CHMP3: variants seen among roughly 807,000 people sequenced by gnomAD.
The protein encoded by CHMP3 is charged multivesicular body protein 3, also known as 25.1 protein.
Under a neutral mutation model 27.4 loss-of-function variants are expected in CHMP3, and 8 were observed. That is an observed-to-expected ratio of 0.29 (90% CI 0.17 to 0.53). The LOEUF is 0.53. Among genes scored for constraint, CHMP3 ranks in the 20% least tolerant of loss-of-function variants. CHMP3 has a pLI of 0.96. For synonymous variants in CHMP3, 86 were observed against 85.5 expected, an observed-to-expected ratio of 1.01 and a Z score of -0.03; for missense variants, 208 against 271.5, an observed-to-expected ratio of 0.77 and a Z score of 1.64.
At chr2:86,513,662 A>G (rs915387021) in intron 3 of CHMP3, among the ~76,000 whole-genome samples, 3 of 152,216 alleles carry the variant, frequency 2.0e-5, no homozygotes, top group Non-Finnish European at 4.4e-5. Context: ...AAACTGCTCA[A>G]AAAATAAGTT....
chr2:86,546,365 A>AG (rs1676601444), intron 1 of CHMP3, among the ~76,000 whole-genome samples: 3 of 2,248 alleles, frequency 1.3e-3, no homozygotes, highest in African/African-American at 3.9e-3. Context: ...ACCCGAAGGG[A>AG]GGGGAAGGGG....
chr2:86,522,640 A>T (rs918724243), intron 3 of CHMP3, among the ~76,000 whole-genome samples: 14 of 151,922 alleles, frequency 9.2e-5, no homozygotes, highest in Non-Finnish European at 2.1e-4. Flanking sequence ...CCTTGTTTAT[A>T]CCTTCACTCT....
At chr2:86,531,885 G>C (rs1396595741) in intron 2 of CHMP3, among the ~76,000 whole-genome samples, 1 of 152,156 alleles carries the variant, frequency 6.6e-6, no homozygotes, top group Non-Finnish European at 1.5e-5. Context: ...TTGAAACCAG[G>C]AAGTGAGTTG....
intron 2 of CHMP3, among the ~76,000 whole-genome samples, chr2:86,533,642 G>A (rs986107101): frequency 5.3e-5 from 8 of 151,988 alleles, no homozygotes; most frequent in African/African-American, 1.4e-4. Flanking sequence ...AAGTAGCTGC[G>A]ACTACCCACA....
At chr2:86,540,762 C>T (rs1014794999) in intron 2 of CHMP3, 4 of 151,150 alleles carry the variant, frequency 2.6e-5, no homozygotes, top group African/African-American at 9.7e-5. Context: ...TTTAAGTTAT[C>T]CTTTAATCTC....
chr2:86,513,092 CTT>C (rs1170075668), intron 3 of CHMP3, among the ~76,000 whole-genome samples: 1 of 152,216 alleles, frequency 6.6e-6, no homozygotes, highest in African/African-American at 2.4e-5. Context: ...ACTGCCAAAA[CTT>C]GTCAGAAACC....
intron 2 of CHMP3, among the ~76,000 whole-genome samples, chr2:86,532,156 A>C: frequency 6.6e-6 from 1 of 152,118 alleles, no homozygotes; most frequent in East Asian, 1.9e-4. Flanking sequence ...TCATTATACA[A>C]GTCTTTTGCC....
At chr2:86,545,778 G>A (rs1452943412) in intron 1 of CHMP3, among the ~76,000 whole-genome samples, 75 of 148,678 alleles carry the variant, frequency 5.0e-4, no homozygotes, top group Admixed American at 1.9e-3. Context: ...ATGGGTGGCC[G>A]GGCAGAGGCG....
intron 2 of CHMP3, among the ~76,000 whole-genome samples, chr2:86,533,274 T>A (rs2103956954): frequency 6.6e-6 from 1 of 152,336 alleles, no homozygotes; most frequent in East Asian, 1.9e-4. Context: ...TGTCTCCACT[T>A]TCAACTCTGA....
chr2:86,533,660 G>C (rs13429696), intron 2 of CHMP3, among the ~76,000 whole-genome samples: 1 of 151,822 alleles, frequency 6.6e-6, no homozygotes, highest in South Asian at 2.1e-4. Context: ...ACAGACCACA[G>C]CACCTAGCTA....
At chr2:86,563,211 C>T in intron 1 of CHMP3, 93 bp downstream of exon 1, 5 of 1,467,598 alleles carry the variant, frequency 3.4e-6, no homozygotes, top group Non-Finnish European at 4.7e-6. Flanking sequence ...CGGTATCGGG[C>T]AGGCGGTGGG....
At chr2:86,548,052 T>A (rs1321442945) in intron 1 of CHMP3, among the ~76,000 whole-genome samples, 2 of 152,194 alleles carry the variant, frequency 1.3e-5, no homozygotes, top group Non-Finnish European at 2.9e-5. Flanking sequence ...ATGATTGAAT[T>A]CCTGTTCCAT....
intron 3 of CHMP3, among the ~76,000 whole-genome samples, chr2:86,520,188 A>G (rs1006771379): frequency 6.6e-6 from 1 of 152,216 alleles, no homozygotes; most frequent in African/African-American, 2.4e-5. Context: ...AGCAATGTCA[A>G]TATTAGTCCA....
chr2:86,510,578 T>A, intron 3 of CHMP3, 99 bp from the exon 4 acceptor site: 2 of 1,510,672 alleles, frequency 1.3e-6, no homozygotes, highest in South Asian at 2.5e-5. Context: ...CAGTAGCAGA[T>A]GGACTCCCGA....
At chr2:86,553,566 A>G (rs550552763) in intron 1 of CHMP3, among the ~76,000 whole-genome samples, 3 of 152,240 alleles carry the variant, frequency 2.0e-5, no homozygotes, top group East Asian at 3.9e-4. Context: ...TCCCGACCTC[A>G]TGTTCCACCC....
chr2:86,505,421 G>A lies in CHMP3; in HGVS notation c.*383C>T. 1 of 157,024 alleles carries A rather than the reference G, an allele frequency of 6.4e-6. No individual in the cohort carries two copies. The highest frequency in any genetic ancestry group is 1.4e-5 in the Non-Finnish European group (1 of 71,480). 9.7% of individuals were successfully genotyped at this position (157,024 alleles called of 1,614,324 possible). A position where few individuals can be genotyped will look rare whatever the true frequency, so the allele number is the denominator to read the frequency against. ...GCAGCCGACACCTTGAAAGTTTACT[G>A]CACAGGGCAATCTACAATGGGGCCA... On this transcript the variant is annotated 3_prime_UTR_variant, in exon 6 of 6. Coordinates refer to ENST00000263856, the MANE Select transcript of CHMP3 (RefSeq NM_016079.4).
chr2:86,518,986 A>T (rs538327078), intron 3 of CHMP3, among the ~76,000 whole-genome samples: 1 of 152,334 alleles, frequency 6.6e-6, no homozygotes, highest in South Asian at 2.1e-4. Context: ...AATATTAAGG[A>T]ATATTAAAGT....
intron 3 of CHMP3, 27 bp downstream of exon 3, chr2:86,529,191 G>T (rs749364414): frequency 2.6e-6 from 4 of 1,551,794 alleles, no homozygotes; most frequent in Non-Finnish European, 3.5e-6. Context: ...GCATTATGAG[G>T]TGACTGTAAG....
intron 1 of CHMP3, among the ~76,000 whole-genome samples, chr2:86,544,908 C>T (rs547780031): frequency 3.8e-3 from 581 of 152,002 alleles, no homozygotes; most frequent in Non-Finnish European, 6.6e-3. Context: ...AGGCGCTCCT[C>T]ACTTCCCAGA....
Sources: allele counts gnomAD v4.1 joint callset (sites outside exome capture counted in the v4.1 genomes callset), GRCh38; gene constraint gnomAD v4.1.1; transcripts MANE v1.5; gene names NCBI Gene and HGNC (gene_info 2026-07-23, HGNC 2026-07-21).